The following MYLK4 variants were observed in gnomAD, a reference collection of about 807,000 sequenced individuals.
MYLK4 encodes the protein caMLCK like.
Under a neutral mutation model 48.1 loss-of-function variants are expected in MYLK4, and 46 were observed. That is an observed-to-expected ratio of 0.96 (90% confidence interval 0.75 to 1.22). The LOEUF (loss-of-function observed/expected upper bound fraction) is 1.22. MYLK4 is among the 50% of genes most tolerant of loss of function. MYLK4 has a pLI of 0.00. For missense variants in MYLK4, 451 were observed against 486.1 expected, an observed-to-expected ratio of 0.93 and a Z score of 0.68; for synonymous variants, 170 against 180.8, an observed-to-expected ratio of 0.94 and a Z score of 0.48.
At chr6:2,753,586 T>C (rs755058683), upstream of MYLK4, among the ~76,000 whole-genome samples, 2 of 152,148 alleles carry the variant, frequency 1.3e-5, no homozygotes, top group Non-Finnish European at 2.9e-5. Flanking sequence ...GACACTATTA[T>C]GAAAATGAAA....
the MYLK4 span, among the ~76,000 whole-genome samples, chr6:2,756,841 A>G: frequency 6.6e-6 from 1 of 152,238 alleles, no homozygotes; most frequent in Non-Finnish European, 1.5e-5. Context: ...ATGCTACAGC[A>G]TGAATCATCA....
At chr6:2,710,403 A>T (rs1194727776) in intron 2 of MYLK4, among the ~76,000 whole-genome samples, 1 of 152,182 alleles carries the variant, frequency 6.6e-6, no homozygotes, top group Non-Finnish European at 1.5e-5. Flanking sequence ...TTCTTCTCTG[A>T]GTTCCTTTCT....
intron 2 of MYLK4, among the ~76,000 whole-genome samples, chr6:2,742,808 T>C (rs1221251919): frequency 4.0e-5 from 6 of 151,494 alleles, no homozygotes; most frequent in Non-Finnish European, 7.4e-5. Context: ...GCATGGCACA[T>C]GTATACATAT....
At chr6:2,765,710 G>A in the MYLK4 span, 18 of 1,545,568 alleles carry the variant, frequency 1.2e-5, no homozygotes, top group Admixed American at 1.8e-5. Flanking sequence ...GATGCCCGCC[G>A]CGCACATCAA....
chr6:2,707,988 T>G (rs1438374676), intron 2 of MYLK4, among the ~76,000 whole-genome samples: 1 of 152,226 alleles, frequency 6.6e-6, no homozygotes, highest in East Asian at 1.9e-4. Flanking sequence ...CATATTCACA[T>G]TCACAGAGTG....
At chr6:2,765,425 AGCGGCCGGCCGAGG>A in the MYLK4 span, 8 of 531,540 alleles carry the variant, frequency 1.5e-5, no homozygotes, top group East Asian at 1.4e-4. Flanking sequence ...AGGCGCTGCC[AGCGGCCGGCCGAGG>A]GCGGGCGGAC....
At chr6:2,730,468 C>T (rs1015426309) in intron 2 of MYLK4, among the ~76,000 whole-genome samples, 1 of 152,190 alleles carries the variant, frequency 6.6e-6, no homozygotes, top group East Asian at 1.9e-4. Context: ...AGCAGGTCCC[C>T]GTGTGGTTAA....
At position 2,675,301 on chromosome 6, in the gene MYLK4, G is replaced by A. The variant is rs1761044014; in HGVS notation, c.1041-176C>T. Among the ~76,000 whole-genome samples the A allele has an allele frequency of 2.0e-5, 3 of 152,210 alleles. No homozygotes were observed. The South Asian group carries it at 6.2e-4, about 32-fold the overall frequency. ...ATCAATGATGGCATAGGTGACTATC[G>A]AATCCAATCAGGATAACATTAGTAA... is the stretch of plus-strand genomic sequence containing the variant. On this transcript the variant is annotated intron_variant, in intron 10 of 12. Coordinates refer to ENST00000274643, the MANE Select transcript of MYLK4 (RefSeq NM_001012418.5).
intron 2 of MYLK4, among the ~76,000 whole-genome samples, chr6:2,727,954 A>C (rs1763339162): frequency 6.6e-6 from 1 of 152,140 alleles, no homozygotes; most frequent in African/African-American, 2.4e-5. Flanking sequence ...CTCAAAAAAA[A>C]AAAAAAAAAA....
At chr6:2,759,219 G>A in the MYLK4 span, among the ~76,000 whole-genome samples, 1 of 152,180 alleles carries the variant, frequency 6.6e-6, no homozygotes, top group African/African-American at 2.4e-5. Context: ...GGCCTCAAGT[G>A]ATCCTCTCGA....
the MYLK4 span, chr6:2,765,351 C>T: frequency 3.7e-6 from 1 of 267,396 alleles, no homozygotes; most frequent in Non-Finnish European, 6.9e-6. Flanking sequence ...ACTTACATGC[C>T]GCGCGAGGCG....
chr6:2,694,832 T>G (rs1044037836), intron 2 of MYLK4, among the ~76,000 whole-genome samples: 8 of 152,010 alleles, frequency 5.3e-5, no homozygotes, highest in Non-Finnish European at 1.0e-4. Context: ...TTAGAAATGG[T>G]AGAGCTAGGA....
intron 10 of MYLK4, among the ~76,000 whole-genome samples, chr6:2,677,801 G>T (rs895208056): frequency 6.6e-6 from 1 of 152,186 alleles, no homozygotes; most frequent in African/African-American, 2.4e-5. Flanking sequence ...GTAGTTAAAA[G>T]AGATAATGTC....
intron 2 of MYLK4, among the ~76,000 whole-genome samples, chr6:2,703,900 A>AC (rs910884999): frequency 3.2e-4 from 48 of 151,848 alleles, no homozygotes; most frequent in African/African-American, 1.1e-3. Context: ...CCATCTCTTG[A>AC]CCTCGTGATC....
chr6:2,685,640 C>G lies in MYLK4; in HGVS notation c.342-64G>C, dbSNP rs775121996. Reference sequence around the variant, plus strand: ...GGTCAGCTGCCGAGTGGACAGCGCACAGTGGCCCCAGTATTTCTCCTGCTG... The same window carrying G: ...GGTCAGCTGCCGAGTGGACAGCGCAGAGTGGCCCCAGTATTTCTCCTGCTG... On this transcript the variant is annotated intron_variant, in intron 4 of 12. Transcript: ENST00000274643. This position sits in a 1 kb window ranked among gnomAD's most constrained non-coding sequence, Gnocchi z 4.5. 3 of 1,428,034 alleles carry G rather than the reference C, an allele frequency of 2.1e-6. No homozygotes were observed. The highest frequency in any genetic ancestry group is 1.2e-5 in the South Asian group (1 of 85,788). 88.5% of individuals were successfully genotyped at this position (1,428,034 alleles called of 1,614,324 possible).
At chr6:2,759,782 C>A in the MYLK4 span, among the ~76,000 whole-genome samples, 4 of 152,190 alleles carry the variant, frequency 2.6e-5, no homozygotes, top group Admixed American at 2.6e-4. Context: ...AAACAAAAAT[C>A]ATCATGTTAA....
chr6:2,693,563 A>C (rs998550927), intron 2 of MYLK4, among the ~76,000 whole-genome samples: 2 of 152,230 alleles, frequency 1.3e-5, no homozygotes, highest in Admixed American at 1.3e-4. Context: ...ATAAAAGGGA[A>C]ACATTAGCCC....
At chr6:2,703,021 C>A (rs534961144) in intron 2 of MYLK4, among the ~76,000 whole-genome samples, 2 of 152,262 alleles carry the variant, frequency 1.3e-5, no homozygotes, top group Non-Finnish European at 2.9e-5. Flanking sequence ...CATGGAAATA[C>A]CTCCATGCTG....
chr6:2,675,819 G>A (rs1258208043), intron 10 of MYLK4, among the ~76,000 whole-genome samples: 2 of 152,172 alleles, frequency 1.3e-5, no homozygotes, highest in Non-Finnish European at 2.9e-5. Flanking sequence ...TAGGCCAGGT[G>A]CAATGGCTCA....
Sources: gnomAD v4.1 joint callset for allele counts (sites outside exome capture counted in the v4.1 genomes callset) on GRCh38, gnomAD v4.1.1 for gene constraint, Gnocchi (gnomAD v3.1) non-coding constraint, MANE v1.5 for transcripts, NCBI Gene and HGNC (gene_info 2026-07-23, HGNC 2026-07-21) for gene names.